The following RABEP2 variants were observed in gnomAD, a reference collection of about 807,000 sequenced individuals.
The protein encoded by RABEP2 is rabaptin, RAB GTPase binding effector protein 2.
A neutral mutation model predicts 74.1 loss-of-function variants in RABEP2; 57 were observed. The ratio of observed to expected loss-of-function variants is 0.77; its 90% CI spans 0.62 to 0.96. RABEP2 has a LOEUF of 0.96. RABEP2 is among the 40% of genes least tolerant of loss of function. The probability of loss-of-function intolerance (pLI) is 0.00; values close to 1 mark genes in which losing one functional copy is unlikely to be tolerated. For missense variants in RABEP2, 692 were observed against 756.3 expected, an observed-to-expected ratio of 0.91 and a Z score of 1.00; for synonymous variants, 351 against 344.0, an observed-to-expected ratio of 1.02 and a Z score of -0.23.
chr16:28,910,816 C>T, intron 7 of RABEP2, 72 bp downstream of exon 7: 1 of 1,341,530 alleles, frequency 7.5e-7, no homozygotes, highest in Non-Finnish European at 1.0e-6. Flanking sequence ...TCCCACGTGC[C>T]CCCTTCCACC....
chr16:28,905,528 A>G lies in RABEP2; in HGVS notation c.1492-15T>C, dbSNP rs1369473160. The G allele has an allele frequency of 2.5e-6, 4 of 1,604,652 alleles. No homozygotes were observed. The highest frequency in any genetic ancestry group is 1.3e-5 in the African/African-American group (1 of 74,162). ...GGGAGCTGGGCCTGCGGGGACAGACACCACACTGAGCTGGGCCTGGCTCAG... is the reference window on the plus strand; with the variant it reads ...GGGAGCTGGGCCTGCGGGGACAGACGCCACACTGAGCTGGGCCTGGCTCAG... On this transcript the variant is annotated splice_polypyrimidine_tract_variant and intron_variant, in intron 11 of 12. Coordinates refer to ENST00000358201, the MANE Select transcript of RABEP2 (RefSeq NM_024816.3).
At chr16:28,924,987 G>A in intron 1 of RABEP2, 116 bp downstream of exon 1, 3 of 1,190,310 alleles carry the variant, frequency 2.5e-6, no homozygotes, top group Non-Finnish European at 2.4e-6. Context: ...CTTTCCCGAC[G>A]GCGTGGCCCC....
At chr16:28,912,949 G>A (rs781408411) in intron 5 of RABEP2, among the ~76,000 whole-genome samples, 13 of 151,878 alleles carry the variant, frequency 8.6e-5, no homozygotes, top group Non-Finnish European at 1.3e-4. Context: ...CTTGTGCCCC[G>A]GTTTTTTTTT....
intron 1 of RABEP2, 149 bp from the exon 2 acceptor site, chr16:28,924,764 GC>G: frequency 3.6e-6 from 1 of 276,056 alleles, no homozygotes; most frequent in South Asian, 3.1e-5. Context: ...CCCCTGCCCC[GC>G]CCCCTTCCCA....
chr16:28,905,022 T>C lies in RABEP2; in HGVS notation c.1631A>G (p.Gln544Arg), dbSNP rs571487476. 22 of 1,609,278 alleles carry C rather than the reference T, an allele frequency of 1.4e-5. No individual in the cohort carries two copies. The South Asian group carries it at 2.4e-4, about 18-fold the overall frequency. Residue 544 changes from glutamine to arginine, a missense_variant, in exon 13 of 13, where the codon CAG becomes CGG. Physicochemically the swap from Gln to Arg is conservative, Grantham distance 43 (BLOSUM62 1). Transcript: ENST00000358201. ...GCGCACTTGCTCCAGGGTCTCAGCC[T>C]GGCGGATCCGCTCTAGGCGCACCTG... is the stretch of plus-strand genomic sequence containing the variant. ...ALQVRLERIR[Q>R]AETLEQVRSI...
rs780431073 is a variant in RABEP2 at position 28,924,985 on chromosome 16, A to C, written c.61+118T>G. ...GCTGTAGGCCCCGCCCCCTTTCCCG[A>C]CGGCGTGGCCCCGCCCCTTCCTCCA... On this transcript the variant is annotated intron_variant, in intron 1 of 12. Coordinates refer to ENST00000358201, the MANE Select transcript of RABEP2 (RefSeq NM_024816.3). 144 of 1,121,220 alleles carry C rather than the reference A, an allele frequency of 1.3e-4. 1 individual carries two copies. The highest frequency in any genetic ancestry group is 2.1e-4 in the Middle Eastern group (1 of 4,840). 69.5% of individuals were successfully genotyped at this position (1,121,220 alleles called of 1,614,324 possible). A position where few individuals can be genotyped will look rare whatever the true frequency, so the allele number is the denominator to read the frequency against.
At chr16:28,916,937 T>A (rs181991372) in intron 3 of RABEP2, among the ~76,000 whole-genome samples, 2 of 142,368 alleles carry the variant, frequency 1.4e-5, no homozygotes, top group East Asian at 4.2e-4. Flanking sequence ...TGCAATGAGC[T>A]GAGATGGCAC....
In RABEP2 at chr16:28,914,711, C is replaced by G. The variant is rs189273827; in HGVS notation, c.504G>C (p.Ala168=). The change falls in exon 4 of 13, where the codon GCG becomes GCC. Residue 168 remains alanine, a synonymous_variant. Transcript: ENST00000358201. ...TCAGCTCCTCGGCCCTCAGCAGCTT[C>G]GCCTTCAGCTCCTCGATCTCCTTTT... ...PMEKEIEELK[A]KLLRAEELIQ... 309 of 1,614,200 alleles carry G rather than the reference C, an allele frequency of 1.9e-4. No individual in the cohort carries two copies. Among genetic ancestry groups the G allele is most frequent in the Non-Finnish European group, 2.3e-4 (269 of 1,180,028 alleles).
At position 28,909,618 on chromosome 16, in the gene RABEP2, G is replaced by A. The variant is rs148564382; in HGVS notation, c.1090-854C>T. Among the ~76,000 whole-genome samples the A allele has an allele frequency of 1.2e-3, 176 of 152,132 alleles. 2 individuals are homozygous for A. The highest frequency in any genetic ancestry group is 4.1e-3 in the African/African-American group (170 of 41,532). On this transcript the variant is annotated intron_variant, in intron 7 of 12. Coordinates refer to ENST00000358201, the MANE Select transcript of RABEP2 (RefSeq NM_024816.3). ...AGTCCCAGCTACTCAGGAGGGTGAG[G>A]CTGCAGGATTGCTTGAGCCCAGAAA... is the stretch of plus-strand genomic sequence containing the variant.
Position 28,906,205 on chromosome 16 carries a change from G to A in RABEP2, c.1246-9C>T, listed in dbSNP as rs1363231949. On this transcript the variant is annotated splice_polypyrimidine_tract_variant and intron_variant, in intron 8 of 12. Transcript: ENST00000358201. ...AGCAGCTGCTGCAGCTCCTGGAAGG[G>A]ACGGAGGAGTCACCTGCTGGGCTGG... is the stretch of plus-strand genomic sequence containing the variant. 1 of 1,570,974 alleles carries A rather than the reference G, an allele frequency of 6.4e-7. No homozygotes were observed. The highest frequency in any genetic ancestry group is 8.6e-7 in the Non-Finnish European group (1 of 1,165,256).
chr16:28,909,034 C>T (rs1964275168), intron 7 of RABEP2, among the ~76,000 whole-genome samples: 1 of 151,538 alleles, frequency 6.6e-6, no homozygotes, highest in African/African-American at 2.4e-5. Context: ...CACATACACA[C>T]ACACACACAC....
At chr16:28,923,977 G>C (rs1964501143) in intron 2 of RABEP2, 1 of 186,044 alleles carries the variant, frequency 5.4e-6, no homozygotes, top group Non-Finnish European at 1.2e-5. Flanking sequence ...CATGGCGTGG[G>C]GTGGAGGGGG....
At position 28,924,551 on chromosome 16, in the gene RABEP2, C is replaced by G; in HGVS notation, c.126G>C (p.Arg42=). Residue 42 remains arginine (R), a synonymous_variant, in exon 2 of 13, where the codon CGG becomes CGC. Coordinates refer to ENST00000358201, the MANE Select transcript of RABEP2 (RefSeq NM_024816.3). ...NGEAESGELS[R]LRAELAGALA... is the part of the protein sequence containing the mutation. Reference sequence around the variant, plus strand: ...GGGCGCCTGCCAGCTCAGCCCGAAGCCGGCTGAGCTCACCTGACTCGGCCT... The same window carrying G: ...GGGCGCCTGCCAGCTCAGCCCGAAGGCGGCTGAGCTCACCTGACTCGGCCT... 4 of 1,613,848 alleles carry G rather than the reference C, an allele frequency of 2.5e-6. No individual in the cohort carries two copies. The highest frequency in any genetic ancestry group is 3.4e-6 in the Non-Finnish European group (4 of 1,180,020).
At chr16:28,915,233 T>C (rs1399726524) in intron 3 of RABEP2, among the ~76,000 whole-genome samples, 1 of 44,320 alleles carries the variant, frequency 2.3e-5, no homozygotes, top group Non-Finnish European at 4.8e-5. Context: ...AATTTTTGTA[T>C]TTTTTTGTGG....
intron 4 of RABEP2, 25 bp from the exon 5 acceptor site, chr16:28,914,611 C>T: frequency 6.2e-7 from 1 of 1,610,014 alleles, no homozygotes; most frequent in Non-Finnish European, 8.5e-7. Flanking sequence ...AGGGAAGAGG[C>T]TGGGGGGCCA....
intron 1 of RABEP2, 173 bp downstream of exon 1, chr16:28,924,930 A>T: frequency 2.3e-6 from 2 of 883,514 alleles, no homozygotes; most frequent in Non-Finnish European, 3.6e-6. Flanking sequence ...TACCCCTTCA[A>T]TGGCCGGGCC....
intron 7 of RABEP2, among the ~76,000 whole-genome samples, chr16:28,909,018 TATATACACATAC>T (rs1407216437): frequency 1.8e-5 from 2 of 112,522 alleles, no homozygotes; most frequent in Non-Finnish European, 3.7e-5. Flanking sequence ...TATATATATA[TATATACACATAC>T]ACACACACAC....
chr16:28,905,392 C>T lies in RABEP2; in HGVS notation c.1608+5G>A. 2 of 1,601,540 alleles carry T rather than the reference C, an allele frequency of 1.2e-6. No homozygotes were observed. Among genetic ancestry groups the T allele is most frequent in the African/African-American group, 1.3e-5 (1 of 74,920 alleles). Reference sequence around the variant, plus strand: ...CCAGCCTGGCGGGGCTGGGACAGGCCATACCTGCAGGGCCTGGGACAGTCG... The same window carrying T: ...CCAGCCTGGCGGGGCTGGGACAGGCTATACCTGCAGGGCCTGGGACAGTCG... On this transcript the variant is annotated splice_donor_5th_base_variant and intron_variant, in intron 12 of 12. Coordinates refer to ENST00000358201, the MANE Select transcript of RABEP2 (RefSeq NM_024816.3).
At position 28,904,595 on chromosome 16, in the gene RABEP2, C is replaced by T. The variant is rs754318611; in HGVS notation, c.*348G>A. ...ACCTCACTGCCTCTGATGGGGACTC[C>T]CAGCCCCCATGGCTCCGCTGTGCCC... On this transcript the variant is annotated 3_prime_UTR_variant, in exon 13 of 13. Coordinates refer to ENST00000358201, the MANE Select transcript of RABEP2 (RefSeq NM_024816.3). The T allele has an allele frequency of 1.9e-5, 23 of 1,205,104 alleles. No individual in the cohort carries two copies. In the East Asian group the frequency reaches 5.5e-4, roughly 29 times the overall value. 74.7% of individuals were successfully genotyped at this position (1,205,104 alleles called of 1,614,324 possible).
Sources: allele counts gnomAD v4.1 joint callset (sites outside exome capture counted in the v4.1 genomes callset), GRCh38; gene constraint gnomAD v4.1.1; transcripts MANE v1.5; gene names NCBI Gene and HGNC (gene_info 2026-07-23, HGNC 2026-07-21).